The following ITPR2 variants were observed in gnomAD, a reference collection of about 807,000 sequenced individuals.
ITPR2 encodes the protein inositol 1,4,5-trisphosphate receptor type 2.
Under a neutral mutation model 317.1 loss-of-function variants are expected in ITPR2, and 207 were observed. That is an observed-to-expected ratio of 0.65 (90% CI 0.58 to 0.73). The LOEUF (loss-of-function observed/expected upper bound fraction) is 0.73, where lower values mean the gene tolerates loss of function less well. ITPR2 is among the 30% of genes least tolerant of loss of function. The pLI is 0.00. For synonymous variants in ITPR2, 1,156 were observed against 1,149.1 expected (o/e 1.01, Z -0.12); for missense variants, 2,613 against 3,284.0 (o/e 0.80, Z 4.99).
intron 37 of ITPR2, among the ~76,000 whole-genome samples, chr12:26,546,410 T>G (rs1486099904): frequency 6.6e-6 from 1 of 152,180 alleles, no homozygotes; most frequent in Non-Finnish European, 1.5e-5. Flanking sequence ...TGATCAAATG[T>G]GTTAGCTCCC....
intron 37 of ITPR2, among the ~76,000 whole-genome samples, chr12:26,517,043 G>A (rs1255414722): frequency 1.3e-5 from 2 of 152,018 alleles, no homozygotes; most frequent in African/African-American, 4.8e-5. Flanking sequence ...TAACATTGAT[G>A]ACAAGTAAGA....
intron 2 of ITPR2, among the ~76,000 whole-genome samples, chr12:26,778,519 C>T (rs112591740): frequency 6.6e-6 from 1 of 152,374 alleles, no homozygotes; most frequent in South Asian, 2.1e-4. Flanking sequence ...TTGGCAAATG[C>T]CTTTTTCTCC....
At chr12:26,808,759 T>TAA (rs1300991705) in intron 1 of ITPR2, among the ~76,000 whole-genome samples, 1 of 152,150 alleles carries the variant, frequency 6.6e-6, no homozygotes, top group Non-Finnish European at 1.5e-5. Context: ...GAAAAACTCT[T>TAA]AAAGCATAAG....
intron 32 of ITPR2, among the ~76,000 whole-genome samples, chr12:26,585,964 T>C (rs1945515218): frequency 6.6e-6 from 1 of 152,162 alleles, no homozygotes; most frequent in Non-Finnish European, 1.5e-5. Flanking sequence ...TATTTGAACA[T>C]TTTTCAGAGG....
intron 32 of ITPR2, among the ~76,000 whole-genome samples, chr12:26,592,197 A>T (rs904995790): frequency 6.6e-6 from 1 of 152,208 alleles, no homozygotes; most frequent in African/African-American, 2.4e-5. Flanking sequence ...GCACTAAAAA[A>T]ATTGCAACAA....
intron 54 of ITPR2, among the ~76,000 whole-genome samples, chr12:26,397,819 T>TC (rs1447793073): frequency 6.6e-6 from 1 of 152,152 alleles, no homozygotes; most frequent in Non-Finnish European, 1.5e-5. Context: ...CACCAAAAGA[T>TC]TTTTTTCAGC....
At chr12:26,761,655 G>T (rs1949636439) in intron 2 of ITPR2, among the ~76,000 whole-genome samples, 1 of 152,172 alleles carries the variant, frequency 6.6e-6, no homozygotes, top group Admixed American at 6.5e-5. Flanking sequence ...AAATTAGCCA[G>T]GCATAGTGGC....
chr12:26,571,678 C>G (rs1591915243), intron 34 of ITPR2, among the ~76,000 whole-genome samples: 1 of 152,226 alleles, frequency 6.6e-6, no homozygotes, highest in East Asian at 1.9e-4. Flanking sequence ...GCCCTGCCTA[C>G]CTGTGTGACC....
chr12:26,630,239 T>G (rs893453841), intron 22 of ITPR2, among the ~76,000 whole-genome samples: 1 of 152,090 alleles, frequency 6.6e-6, no homozygotes. Context: ...CAGCATTGTA[T>G]TCCATAAATA....
chr12:26,708,350 T>C (rs562578030), intron 9 of ITPR2, among the ~76,000 whole-genome samples: 1 of 152,302 alleles, frequency 6.6e-6, no homozygotes, highest in East Asian at 1.9e-4. Context: ...TCAACCTAAG[T>C]ATACATCAAC....
At chr12:26,699,971 T>C (rs1170617745) in intron 9 of ITPR2, among the ~76,000 whole-genome samples, 1 of 152,248 alleles carries the variant, frequency 6.6e-6, no homozygotes. Flanking sequence ...TTCAATCATT[T>C]ATTCAATAAA....
chr12:26,774,108 T>A (rs1189083245), intron 2 of ITPR2, among the ~76,000 whole-genome samples: 1 of 151,366 alleles, frequency 6.6e-6, no homozygotes. Context: ...CATCTTCACT[T>A]AATACATGGA....
At chr12:26,472,708 C>T (rs996705988) in intron 45 of ITPR2, among the ~76,000 whole-genome samples, 1 of 152,084 alleles carries the variant, frequency 6.6e-6, no homozygotes, top group Non-Finnish European at 1.5e-5. Context: ...AAATAATTGG[C>T]CTTTATGCCA....
chr12:26,722,267 A>G (rs1179896618), intron 5 of ITPR2, 130 bp downstream of exon 5: 1 of 690,560 alleles, frequency 1.4e-6, no homozygotes, highest in Non-Finnish European at 2.4e-6. Flanking sequence ...AACCTAGTAG[A>G]TACTAACATA....
Position 26,602,664 on chromosome 12 carries a change from G to A in ITPR2, c.3505C>T (p.Pro1169Ser), listed in dbSNP as rs1485849445. 9.3e-6 allele frequency: 15 copies of A among 1,611,534 alleles called. No individual in the cohort carries two copies. The East Asian group carries it at 3.1e-4, about 34-fold the overall frequency. ...TTGCTCTTGTTGCTGTCAATCTGAG[G>A]TTTCTTTGTTCCATCCTGCACTGGA... Reference protein sequence around the residue: ...LSPVQDGTKKPQIDSNKSNNY... With the variant: ...LSPVQDGTKKSQIDSNKSNNY... The change falls in exon 27 of 57, where the codon CCT becomes TCT. Residue 1169 changes from proline to serine, a missense_variant. By Grantham distance (74) the Pro-to-Ser change is moderately conservative. Around this residue, in one of 9 missense-constraint regions of ITPR2, gnomAD observed 817 missense variants for 897.6 expected, o/e 0.91. Coordinates refer to ENST00000381340, the MANE Select transcript of ITPR2 (RefSeq NM_002223.4).
At chr12:26,525,843 T>C (rs1293451856) in intron 37 of ITPR2, among the ~76,000 whole-genome samples, 1 of 152,206 alleles carries the variant, frequency 6.6e-6, no homozygotes, top group East Asian at 1.9e-4. Flanking sequence ...TTCTCCTGTT[T>C]CCTTCTTTGA....
chr12:26,699,479 T>C (rs1184223795), intron 9 of ITPR2, among the ~76,000 whole-genome samples: 3 of 152,214 alleles, frequency 2.0e-5, no homozygotes, highest in Non-Finnish European at 4.4e-5. Flanking sequence ...CATGACTCTA[T>C]GTCAATAAAT....
chr12:26,573,706 G>A (rs113726823), intron 34 of ITPR2, among the ~76,000 whole-genome samples: 5,324 of 152,252 alleles, frequency 0.035, 238 homozygotes, highest in African/African-American at 0.098. Flanking sequence ...AATGGCATAT[G>A]CAAATGTCCT....
chr12:26,814,621 G>T (rs1449116161), intron 1 of ITPR2, among the ~76,000 whole-genome samples: 1 of 152,120 alleles, frequency 6.6e-6, no homozygotes, highest in Non-Finnish European at 1.5e-5. Flanking sequence ...TTCTCACAGA[G>T]AAATTTTCAA....
Sources: gnomAD v4.1 joint callset for allele counts (sites outside exome capture counted in the v4.1 genomes callset) on GRCh38, gnomAD v4.1.1 for gene constraint, gnomAD v4.1.1 regional missense constraint, MANE v1.5 for transcripts, NCBI Gene and HGNC (gene_info 2026-07-23, HGNC 2026-07-21) for gene names.